The following DMD variants were observed in gnomAD, a reference collection of about 807,000 sequenced individuals.
DMD encodes dystrophin, also known as mutant dystrophin.
In DMD, 63 loss-of-function variants were observed where a neutral mutation model predicts 330.1. The observed-to-expected ratio is 0.19, with a 90% CI of 0.16 to 0.24. The LOEUF is 0.24. DMD is among the 10% of genes least tolerant of loss of function. The probability of loss-of-function intolerance (pLI) is 1.00; values close to 1 mark genes in which losing one functional copy is unlikely to be tolerated. For missense variants in DMD, 3,344 were observed against 2,684.1 expected, an observed-to-expected ratio of 1.25 and a Z score of -5.43; for synonymous variants, 1,223 against 959.8, an observed-to-expected ratio of 1.27 and a Z score of -5.07.
intron 76 of DMD, among the ~76,000 whole-genome samples, chrX:31,137,410 TTC>T (rs1159133342): frequency 1.8e-5 from 2 of 111,871 alleles, no homozygotes; most frequent in African/African-American, 6.5e-5. Flanking sequence ...GCCTAATATT[TTC>T]TGTGTCAGAA....
At chrX:32,736,844 C>T (rs1419451720) in intron 7 of DMD, among the ~76,000 whole-genome samples, 2 of 109,003 alleles carry the variant, frequency 1.8e-5, no homozygotes, top group Non-Finnish European at 3.8e-5. Flanking sequence ...TGCAGCGCAC[C>T]AGCATGGCAC....
intron 60 of DMD, among the ~76,000 whole-genome samples, chrX:31,419,593 G>A (rs965538245): frequency 2.7e-5 from 3 of 111,667 alleles, no homozygotes; most frequent in Non-Finnish European, 5.6e-5. Context: ...CCCATCTCTA[G>A]ATCTGTATTC....
chrX:32,862,456 GATTC>G (rs2082140164), intron 2 of DMD, among the ~76,000 whole-genome samples: 1 of 111,581 alleles, frequency 9.0e-6, no homozygotes, highest in African/African-American at 3.3e-5. Context: ...AAGTCAGCAT[GATTC>G]ATTGTCTGAT....
rs2040381433 is a variant in DMD at position 31,175,118 on chromosome X, C to A, written c.10263-1514G>T. Reference sequence around the variant, plus strand: ...CTGTTTTGAAATCTTCACTGCAGATCAAGATAAATTAATACTTGGATTATT... The same window carrying A: ...CTGTTTTGAAATCTTCACTGCAGATAAAGATAAATTAATACTTGGATTATT... On this transcript the variant is annotated intron_variant, in intron 71 of 78. Transcript: ENST00000357033. Among the ~76,000 whole-genome samples the A allele has an allele frequency of 2.7e-5, 3 of 111,608 alleles. No individual in the cohort carries two copies. The Admixed American group carries it at 2.8e-4, about 11-fold the overall frequency.
At chrX:33,202,508 T>C (rs930729863) in intron 1 of DMD, among the ~76,000 whole-genome samples, 1 of 111,988 alleles carries the variant, frequency 8.9e-6, no homozygotes, top group Admixed American at 9.5e-5. Flanking sequence ...TGTTAAATGG[T>C]AAATACAGTA....
intron 1 of DMD, 94 bp from the exon 2 acceptor site, chrX:33,020,294 G>T: frequency 3.2e-6 from 2 of 615,563 alleles, no homozygotes; most frequent in Non-Finnish European, 5.1e-6. Flanking sequence ...TGATGTGTTA[G>T]TGTTTTTTTA....
intron 50 of DMD, among the ~76,000 whole-genome samples, chrX:31,818,285 T>C (rs2092680800): frequency 8.9e-6 from 1 of 112,353 alleles, no homozygotes; most frequent in Non-Finnish European, 1.9e-5. Flanking sequence ...TTTTATTCTA[T>C]GCTGTACTCG....
chrX:31,833,458 C>T (rs2093122502), intron 49 of DMD, among the ~76,000 whole-genome samples: 1 of 109,942 alleles, frequency 9.1e-6, no homozygotes, highest in Admixed American at 9.8e-5. Context: ...AAGATTTTTC[C>T]AGTTATTTTG....
chrX:31,451,209 T>C (rs867023846), intron 59 of DMD, among the ~76,000 whole-genome samples: 3 of 106,710 alleles, frequency 2.8e-5, no homozygotes, highest in African/African-American at 1.0e-4. Context: ...TTTCTTCCTT[T>C]CTTTTTTTCA....
At chrX:31,189,000 T>A (rs965326862) in intron 67 of DMD, among the ~76,000 whole-genome samples, 1 of 110,205 alleles carries the variant, frequency 9.1e-6, no homozygotes, top group Non-Finnish European at 1.9e-5. Flanking sequence ...GTTGCTGGGG[T>A]TCCGAAGAAC....
intron 62 of DMD, among the ~76,000 whole-genome samples, chrX:31,307,645 G>C (rs1025933523): frequency 8.9e-6 from 1 of 111,789 alleles, no homozygotes; most frequent in African/African-American, 3.2e-5. Context: ...CGGCTCTCTT[G>C]TATCAACATC....
intron 55 of DMD, among the ~76,000 whole-genome samples, chrX:31,554,399 C>T (rs1163772819): frequency 9.0e-6 from 1 of 111,464 alleles, no homozygotes; most frequent in African/African-American, 3.3e-5. Flanking sequence ...TAGGTCACCT[C>T]TAACCTAACC....
chrX:32,135,023 A>G (rs771063888), intron 44 of DMD, among the ~76,000 whole-genome samples: 13 of 111,937 alleles, frequency 1.2e-4, no homozygotes, highest in Middle Eastern at 4.6e-3. Context: ...ATGGGAATAT[A>G]CTCTACCAAG....
At chrX:31,328,972 T>C (rs771815056) in intron 61 of DMD, among the ~76,000 whole-genome samples, 2 of 112,233 alleles carry the variant, frequency 1.8e-5, no homozygotes, top group Non-Finnish European at 3.8e-5. Context: ...CTGCCTGGGC[T>C]TATGGTACTT....
chrX:31,861,128 T>C (rs1407410789), intron 48 of DMD, among the ~76,000 whole-genome samples: 3 of 110,917 alleles, frequency 2.7e-5, no homozygotes, highest in African/African-American at 9.8e-5. Context: ...AAAGAGAACA[T>C]TGGCAAAAAA....
intron 44 of DMD, among the ~76,000 whole-genome samples, chrX:32,174,041 C>T (rs946301911): frequency 4.5e-5 from 5 of 111,859 alleles, no homozygotes; most frequent in South Asian, 3.6e-4. Context: ...GTCTACATTT[C>T]GGCAAAAAGT....
At chrX:32,839,836 G>A (rs997453035) in intron 4 of DMD, among the ~76,000 whole-genome samples, 1 of 110,432 alleles carries the variant, frequency 9.1e-6, no homozygotes, top group Non-Finnish European at 1.9e-5. Context: ...TCAGCCTCAT[G>A]AGTAGCTGGG....
chrX:32,191,521 T>C (rs1044161499), intron 44 of DMD, among the ~76,000 whole-genome samples: 1 of 111,613 alleles, frequency 9.0e-6, no homozygotes, highest in Non-Finnish European at 1.9e-5. Flanking sequence ...GTATACTCTT[T>C]GCCAGGAGCT....
Position 32,289,428 on chromosome X carries a change from G to A in DMD, c.6118-1727C>T, listed in dbSNP as rs148344938. On this transcript the variant is annotated intron_variant, in intron 42 of 78. Coordinates refer to ENST00000357033, the MANE Select transcript of DMD (RefSeq NM_004006.3). ...GAAAGAGGGGAAATATGTCAGAGGCGTTCGAACTAGAACAACTCCATCTTG... is the reference window on the plus strand; with the variant it reads ...GAAAGAGGGGAAATATGTCAGAGGCATTCGAACTAGAACAACTCCATCTTG... 2.2e-3 allele frequency among the ~76,000 whole-genome samples: 249 copies of A among 110,854 alleles called. 1 individual carries two copies. Among genetic ancestry groups the A allele is most frequent in the Middle Eastern group, 9.3e-3 (2 of 216 alleles).
Sources: gnomAD v4.1 joint callset for allele counts (sites outside exome capture counted in the v4.1 genomes callset) on GRCh38, gnomAD v4.1.1 for gene constraint, MANE v1.5 for transcripts, NCBI Gene and HGNC (gene_info 2026-07-23, HGNC 2026-07-21) for gene names.